CNTNAP5: variants seen among roughly 807,000 people sequenced by gnomAD.
The protein encoded by CNTNAP5 is contactin associated protein family member 5.
Under a neutral mutation model 150.2 loss-of-function variants are expected in CNTNAP5, and 72 were observed. The ratio of observed to expected loss-of-function variants is 0.48; its 90% confidence interval spans 0.40 to 0.58. The LOEUF is 0.58. CNTNAP5 is among the 20% of genes least tolerant of loss of function. CNTNAP5 has a pLI of 0.00. For missense variants in CNTNAP5, 1,636 were observed against 1,626.2 expected, an observed-to-expected ratio of 1.01 and a Z score of -0.10; for synonymous variants, 672 against 619.8, an observed-to-expected ratio of 1.08 and a Z score of -1.25.
rs1036493714 is a variant in CNTNAP5 at position 124,292,959 on chromosome 2, A to G, written c.381+50566A>G. On this transcript the variant is annotated intron_variant, in intron 3 of 23. Coordinates refer to ENST00000682447, the MANE Select transcript of CNTNAP5 (RefSeq NM_001367498.1). The stretch of plus-strand genomic sequence containing the variant: ...CCATATTGAAAGATATGTTTTTCAG[A>G]AAAATGCAATAATGAGGTAGTAGAG... Among the ~76,000 whole-genome samples, 6 of 152,090 alleles carry G rather than the reference A, an allele frequency of 3.9e-5. No individual in the cohort carries two copies. The South Asian group carries it at 1.2e-3, about 32-fold the overall frequency.
chr2:124,253,359 A>G (rs1284586291), intron 3 of CNTNAP5, among the ~76,000 whole-genome samples: 3 of 152,170 alleles, frequency 2.0e-5, no homozygotes, highest in East Asian at 3.9e-4. Flanking sequence ...CTATACATAC[A>G]TATCTTTAAT....
chr2:124,274,136 T>C (rs1440595207), intron 3 of CNTNAP5, among the ~76,000 whole-genome samples: 1 of 151,976 alleles, frequency 6.6e-6, no homozygotes, highest in Non-Finnish European at 1.5e-5. Context: ...TTGCTGTTTT[T>C]GTTTTGCTTT....
At chr2:124,374,266 C>T (rs866180566) in intron 3 of CNTNAP5, among the ~76,000 whole-genome samples, 1 of 151,758 alleles carries the variant, frequency 6.6e-6, no homozygotes, top group Non-Finnish European at 1.5e-5. Context: ...AGAACATGTT[C>T]TGACAAAAAC....
chr2:124,466,883 A>G (rs1693390343), intron 6 of CNTNAP5, among the ~76,000 whole-genome samples: 1 of 152,192 alleles, frequency 6.6e-6, no homozygotes. Context: ...TAGAGTATGA[A>G]TAGAAAGGCA....
At chr2:124,886,694 A>G (rs1341165060) in intron 21 of CNTNAP5, among the ~76,000 whole-genome samples, 1 of 152,078 alleles carries the variant, frequency 6.6e-6, no homozygotes, top group Non-Finnish European at 1.5e-5. Context: ...TTAAAACAGT[A>G]ACATGCATTT....
At chr2:124,890,818 G>T (rs1301252338) in intron 21 of CNTNAP5, among the ~76,000 whole-genome samples, 1 of 152,072 alleles carries the variant, frequency 6.6e-6, no homozygotes, top group African/African-American at 2.4e-5. Context: ...AGACTAATTA[G>T]AACAGCCTTA....
chr2:124,051,075 G>T (rs2104642657), intron 1 of CNTNAP5, among the ~76,000 whole-genome samples: 1 of 152,254 alleles, frequency 6.6e-6, no homozygotes, highest in Admixed American at 6.5e-5. Flanking sequence ...GCTGAGGTGG[G>T]ATAGGATCAG....
chr2:124,751,867 A>G (rs1334415631), intron 14 of CNTNAP5, among the ~76,000 whole-genome samples: 4 of 152,232 alleles, frequency 2.6e-5, no homozygotes, highest in Admixed American at 1.3e-4. Context: ...AATATTTTAT[A>G]TACTGTACCT....
At chr2:124,496,808 C>G (rs774868790) in intron 7 of CNTNAP5, among the ~76,000 whole-genome samples, 1 of 152,202 alleles carries the variant, frequency 6.6e-6, no homozygotes, top group Non-Finnish European at 1.5e-5. Flanking sequence ...AGCAGACTGT[C>G]TGTCTTCCTT....
chr2:124,438,652 A>T (rs1692596674), intron 5 of CNTNAP5, among the ~76,000 whole-genome samples: 1 of 152,176 alleles, frequency 6.6e-6, no homozygotes, highest in Non-Finnish European at 1.5e-5. Context: ...AGTTCTTTCC[A>T]TTCTCCAAAG....
intron 1 of CNTNAP5, among the ~76,000 whole-genome samples, chr2:124,064,631 G>T (rs1231403990): frequency 6.6e-6 from 1 of 152,026 alleles, no homozygotes; most frequent in African/African-American, 2.4e-5. Context: ...GTAGCTCATT[G>T]CTTTTTGATA....
chr2:124,396,314 A>G (rs1290439581), intron 3 of CNTNAP5, among the ~76,000 whole-genome samples: 1 of 152,150 alleles, frequency 6.6e-6, no homozygotes, highest in East Asian at 1.9e-4. Flanking sequence ...AGGTACAAAT[A>G]CGTTTATCCA....
chr2:124,577,520 G>T (rs1696310952), intron 11 of CNTNAP5, among the ~76,000 whole-genome samples: 4 of 152,094 alleles, frequency 2.6e-5, no homozygotes, highest in Admixed American at 2.6e-4. Context: ...TCTATTCAGG[G>T]TTCAACAGTC....
chr2:124,528,422 G>A (rs2104891563), intron 10 of CNTNAP5, among the ~76,000 whole-genome samples: 1 of 152,248 alleles, frequency 6.6e-6, no homozygotes, highest in African/African-American at 2.4e-5. Context: ...GGCAGGCTAG[G>A]CCAATGTTGA....
intron 13 of CNTNAP5, among the ~76,000 whole-genome samples, chr2:124,657,031 C>A (rs1464984969): frequency 6.6e-6 from 1 of 152,174 alleles, no homozygotes; most frequent in South Asian, 2.1e-4. Context: ...GCCCTCTGGA[C>A]ACTGCTGTTA....
intron 1 of CNTNAP5, among the ~76,000 whole-genome samples, chr2:124,149,683 A>C (rs983590770): frequency 6.6e-6 from 1 of 152,342 alleles, no homozygotes; most frequent in Admixed American, 6.5e-5. Context: ...AGCAGCGCCA[A>C]TCCGAGTGAG....
intron 19 of CNTNAP5, among the ~76,000 whole-genome samples, chr2:124,816,971 G>A (rs1328820631): frequency 6.6e-6 from 1 of 152,186 alleles, no homozygotes; most frequent in Non-Finnish European, 1.5e-5. Context: ...ACACTCAGAA[G>A]TTGGGGTTCT....
intron 9 of CNTNAP5, among the ~76,000 whole-genome samples, chr2:124,525,906 G>T (rs1428570012): frequency 6.6e-6 from 1 of 152,156 alleles, no homozygotes; most frequent in Non-Finnish European, 1.5e-5. Flanking sequence ...CCAGATCTGT[G>T]TTCCCACAGC....
intron 1 of CNTNAP5, among the ~76,000 whole-genome samples, chr2:124,084,064 G>A (rs972491818): frequency 1.3e-5 from 2 of 151,772 alleles, no homozygotes; most frequent in African/African-American, 4.8e-5. Flanking sequence ...TTTTATCAGT[G>A]TTTTGTAGTT....
Sources: allele counts gnomAD v4.1 joint callset (sites outside exome capture counted in the v4.1 genomes callset), GRCh38; gene constraint gnomAD v4.1.1; transcripts MANE v1.5; gene names NCBI Gene and HGNC (gene_info 2026-07-23, HGNC 2026-07-21).